The following SLC7A2 variants were observed in gnomAD, a reference collection of about 807,000 sequenced individuals.
SLC7A2 encodes cationic amino acid transporter 2.
In SLC7A2, 48 loss-of-function variants were observed where a neutral mutation model predicts 58.9. That is an observed-to-expected ratio of 0.82 (90% CI 0.65 to 1.04). SLC7A2 has a LOEUF of 1.04. Ranked by LOEUF, SLC7A2 falls within the 50% of genes least tolerant of loss-of-function variation. The pLI, the probability that SLC7A2 is intolerant of heterozygous loss-of-function variation, is 0.00. For missense variants in SLC7A2, 1,029 were observed against 818.8 expected, an observed-to-expected ratio of 1.26 and a Z score of -3.13; for synonymous variants, 363 against 314.5, an observed-to-expected ratio of 1.15 and a Z score of -1.63.
chr8:17,505,505 C>T (rs893499542), intron 2 of SLC7A2, among the ~76,000 whole-genome samples: 1 of 152,188 alleles, frequency 6.6e-6, no homozygotes, highest in African/African-American at 2.4e-5. Flanking sequence ...ATGCTGTTCC[C>T]TGGCCTCAAG....
chr8:17,514,511 G>A lies in SLC7A2; in HGVS notation c.-23+12209G>A, dbSNP rs146183310. 4.9e-3 allele frequency among the ~76,000 whole-genome samples: 749 copies of A among 152,290 alleles called. 3 individuals are homozygous for A. Among genetic ancestry groups the A allele is most frequent in the African/African-American group, 0.015 (606 of 41,568 alleles). On this transcript the variant is annotated intron_variant, in intron 2 of 12. Transcript: ENST00000494857. ...AGAGATGGGGAAATGCACAGCAGCC[G>A]TTGGTGGAGGTTGACCCTGGAAGCT...
chr8:17,528,484 A>G (rs1585213000), intron 2 of SLC7A2, among the ~76,000 whole-genome samples: 1 of 151,992 alleles, frequency 6.6e-6, no homozygotes, highest in African/African-American at 2.4e-5. Context: ...TCCTGGACTC[A>G]AGGGATCCTC....
chr8:17,548,666 C>G lies in SLC7A2; in HGVS notation c.533-12C>G, dbSNP rs779474844. 3.8e-6 allele frequency: 6 copies of G among 1,584,858 alleles called. No individual in the cohort carries two copies. In the Admixed American group the frequency reaches 7.4e-5, roughly 19 times the overall value. On this transcript the variant is annotated splice_polypyrimidine_tract_variant and intron_variant, in intron 4 of 12. Coordinates refer to ENST00000494857, the MANE Select transcript of SLC7A2 (RefSeq NM_001370338.1). ...AAAGCTAAATAAAAATTGAAATGCC[C>G]TTTTTCCATAGGTCTTTTGTCTTTT...
intron 2 of SLC7A2, among the ~76,000 whole-genome samples, chr8:17,524,421 T>TCACACAC (rs1382653999): frequency 1.5e-5 from 2 of 135,030 alleles, no homozygotes; most frequent in Admixed American, 7.5e-5. Context: ...TGTGTGTGTG[T>TCACACAC]ACACACACAC....
At chr8:17,542,927 C>T (rs778425189) in intron 2 of SLC7A2, among the ~76,000 whole-genome samples, 29 of 151,562 alleles carry the variant, frequency 1.9e-4, no homozygotes, top group Non-Finnish European at 3.5e-4. Flanking sequence ...GTGCCACTGC[C>T]CTCCAGCCTG....
chr8:17,564,387 T>C (rs1803165859), intron 12 of SLC7A2, among the ~76,000 whole-genome samples: 1 of 152,228 alleles, frequency 6.6e-6, no homozygotes, highest in Admixed American at 6.5e-5. Flanking sequence ...AGTTTGGGTC[T>C]TCACAATAGA....
Position 17,544,458 on chromosome 8 carries a change from A to G in SLC7A2, c.384A>G (p.Ser128=). 6.2e-7 allele frequency: 1 copy of G among 1,613,868 alleles called. No individual in the cohort carries two copies. The highest frequency in any genetic ancestry group is 8.5e-7 in the Non-Finnish European group (1 of 1,179,908). ...NLILSYVIGT[S]SVARAWSGTF... Reference sequence around the variant, plus strand: ...CTGTTCTGTTTTGGGAAGGTACATCAAGTGTTGCAAGAGCCTGGAGTGGCA... The same window carrying G: ...CTGTTCTGTTTTGGGAAGGTACATCGAGTGTTGCAAGAGCCTGGAGTGGCA... The change falls in exon 4 of 13, where the codon TCA becomes TCG. Residue 128 remains serine, a synonymous_variant. Coordinates refer to ENST00000494857, the MANE Select transcript of SLC7A2 (RefSeq NM_001370338.1).
intron 2 of SLC7A2, among the ~76,000 whole-genome samples, chr8:17,516,800 A>G (rs894328420): frequency 6.6e-6 from 1 of 152,232 alleles, no homozygotes; most frequent in Admixed American, 6.5e-5. Context: ...AGCATTCAAG[A>G]AAAACATGGA....
intron 2 of SLC7A2, among the ~76,000 whole-genome samples, chr8:17,513,805 G>A (rs954446630): frequency 1.3e-5 from 2 of 152,032 alleles, no homozygotes; most frequent in African/African-American, 4.8e-5. Context: ...TTACAACAGC[G>A]CTAAGAGGGA....
intron 2 of SLC7A2, among the ~76,000 whole-genome samples, chr8:17,521,641 G>T (rs535764027): frequency 6.6e-6 from 1 of 152,234 alleles, no homozygotes; most frequent in African/African-American, 2.4e-5. Flanking sequence ...ACGTGGCGCT[G>T]GGCTGTGGCC....
chr8:17,533,249 T>C (rs2150716835), intron 2 of SLC7A2, among the ~76,000 whole-genome samples: 1 of 152,286 alleles, frequency 6.6e-6, no homozygotes, highest in Middle Eastern at 3.4e-3. Flanking sequence ...AAATCTATGC[T>C]CATACATTGT....
At chr8:17,550,764 A>G (rs967914719) in intron 6 of SLC7A2, among the ~76,000 whole-genome samples, 3 of 152,258 alleles carry the variant, frequency 2.0e-5, no homozygotes, top group African/African-American at 4.8e-5. Context: ...CCTTCAGTCC[A>G]GAAGTGCTGT....
At chr8:17,539,026 C>A in intron 2 of SLC7A2, 1 of 988,254 alleles carries the variant, frequency 1.0e-6, no homozygotes, top group Non-Finnish European at 1.6e-6. Flanking sequence ...CTAAGTGACT[C>A]AATGCAACTT....
intron 4 of SLC7A2, 62 bp downstream of exon 4, chr8:17,544,668 G>A: frequency 6.8e-7 from 1 of 1,471,960 alleles, no homozygotes; most frequent in Non-Finnish European, 9.3e-7. Flanking sequence ...AGGAAAATAG[G>A]TTACTTCTGA....
chr8:17,515,298 T>TG (rs1563440828), intron 2 of SLC7A2, among the ~76,000 whole-genome samples: 5 of 150,186 alleles, frequency 3.3e-5, no homozygotes, highest in Admixed American at 6.6e-5. Context: ...CACATCTTTT[T>TG]CTTTTTTTTT....
chr8:17,513,901 A>G (rs144124272), intron 2 of SLC7A2, among the ~76,000 whole-genome samples: 1 of 152,314 alleles, frequency 6.6e-6, no homozygotes, highest in East Asian at 1.9e-4. Flanking sequence ...CCTGCTCAAC[A>G]TTTCTACCTC....
At chr8:17,518,931 C>T (rs1800907236) in intron 2 of SLC7A2, among the ~76,000 whole-genome samples, 1 of 152,116 alleles carries the variant, frequency 6.6e-6, no homozygotes, top group Admixed American at 6.5e-5. Flanking sequence ...TTTTCCTGGC[C>T]TGCAGACGGC....
chr8:17,550,180 T>C, intron 5 of SLC7A2, 121 bp from the exon 6 acceptor site: 1 of 866,606 alleles, frequency 1.2e-6, no homozygotes, highest in South Asian at 1.7e-5. Context: ...TAATTTTATG[T>C]ATATCATCTT....
chr8:17,494,170 A>AGATTAGATTCTTACT (rs1410273501), upstream of SLC7A2, among the ~76,000 whole-genome samples: 43 of 152,324 alleles, frequency 2.8e-4, no homozygotes, highest in East Asian at 4.4e-3. Flanking sequence ...TAGAACTAGT[A>AGATTAGATTCTTACT]AGAATCCATT....
Sources: gnomAD v4.1 joint callset for allele counts (sites outside exome capture counted in the v4.1 genomes callset) on GRCh38, gnomAD v4.1.1 for gene constraint, MANE v1.5 for transcripts, NCBI Gene and HGNC (gene_info 2026-07-23, HGNC 2026-07-21) for gene names.